Variants in ZC3HAV1 observed in about 807,000 individuals in gnomAD.
ZC3HAV1 encodes the protein zinc finger CCCH-type antiviral protein 1.
Under a neutral mutation model 86.6 loss-of-function variants are expected in ZC3HAV1, and 41 were observed. That is an observed-to-expected ratio of 0.47 (90% CI 0.37 to 0.61). The LOEUF (loss-of-function observed/expected upper bound fraction) is 0.61, where lower values mean the gene tolerates loss of function less well. ZC3HAV1 is among the 20% of genes least tolerant of loss of function. The pLI is 0.00. For missense variants in ZC3HAV1, 964 were observed against 1,141.1 expected, an observed-to-expected ratio of 0.84 and a Z score of 2.24; for synonymous variants, 421 against 432.1, an observed-to-expected ratio of 0.97 and a Z score of 0.32.
rs767745459 is a variant in ZC3HAV1, at chr7:139,080,019, G to A, written c.922C>T (p.Pro308Ser). 16 of 1,614,000 alleles carry A rather than the reference G, an allele frequency of 9.9e-6. No individual in the cohort carries two copies. In the African/African-American group the frequency reaches 2.0e-4, roughly 20 times the overall value. ...GTAGCCTTGGACGAGCCTGAGGGAG[G>A]CCGAGCGCGATCCTGACTCCCCAGA... The part of the protein sequence containing the change: ...TYLGSQDRAR[P>S]PSGSSKATDL... The change falls in exon 4 of 13, where the codon CCT (proline) becomes TCT (serine). Residue 308 changes from proline to serine, a missense_variant. Physicochemically the swap from Pro to Ser is moderately conservative, Grantham distance 74. Transcript: ENST00000242351.
chr7:139,051,151 G>A (rs1484231481), intron 12 of ZC3HAV1, among the ~76,000 whole-genome samples: 15 of 150,860 alleles, frequency 9.9e-5, no homozygotes, highest in Admixed American at 2.7e-4. Context: ...TCTGCCTCCC[G>A]GGTTCAAGCG....
chr7:139,097,428 A>ATTTTTTTTTTTTT lies in ZC3HAV1; in HGVS notation c.309-7682_309-7670dup, dbSNP rs11291842. 5.8e-4 allele frequency among the ~76,000 whole-genome samples: 28 copies of ATTTTTTTTTTTTT among 48,158 alleles called. 1 individual carries two copies. Among genetic ancestry groups the ATTTTTTTTTTTTT allele is most frequent in the African/African-American group, 3.1e-3 (27 of 8,796 alleles). The allele number at this position is 48,158 out of a possible 152,430, so 31.6% of individuals were successfully genotyped here. A position where few individuals can be genotyped will look rare whatever the true frequency, so the allele number is the denominator to read the frequency against. ...TATATATATATATATATATATATATATTTTTTTTTTTTTTTTTTTTCTTTG... is the reference window on the plus strand; with the variant it reads ...TATATATATATATATATATATATATATTTTTTTTTTTTTTTTTTTTTTTTTTTTTTTTTCTTTG... On this transcript the variant is annotated intron_variant, in intron 1 of 12. Coordinates refer to ENST00000242351, the MANE Select transcript of ZC3HAV1 (RefSeq NM_020119.4).
At chr7:139,056,858 T>C (rs1217313033) in intron 9 of ZC3HAV1, among the ~76,000 whole-genome samples, 2 of 152,232 alleles carry the variant, frequency 1.3e-5, no homozygotes. Flanking sequence ...TAAATAGTCA[T>C]TGTTTAAGAC....
In ZC3HAV1 at chr7:139,080,097, T is replaced by C. The variant is rs778075896; in HGVS notation, c.844A>G (p.Arg282Gly). ...ACAGGCGCGTCCTCCAGGGAAGCCC[T>C]GTGGCTGATCTGATCTGGACTAGGT... ...CTPSPDQISH[R>G]ASLEDAPVDD... Residue 282 changes from arginine (R) to glycine (G), a missense_variant, in exon 4 of 13, where the codon AGG becomes GGG. Physicochemically the swap from Arg to Gly is moderately radical, Grantham distance 125. Coordinates refer to ENST00000242351, the MANE Select transcript of ZC3HAV1 (RefSeq NM_020119.4). 1.3e-5 allele frequency: 21 copies of C among 1,614,076 alleles called. No individual in the cohort carries two copies. In the Admixed American group the frequency reaches 3.5e-4, roughly 27 times the overall value.
chr7:139,064,949 G>A lies in ZC3HAV1; in HGVS notation c.1923C>T (p.Leu641=), dbSNP rs766551615. The A allele has an allele frequency of 3.1e-6, 5 of 1,614,222 alleles. No individual in the cohort carries two copies. The South Asian group carries it at 5.5e-5, about 18-fold the overall frequency. ...SNVDSSYLES[L]YQSCPRGVVP... ...CAACTCCCCTCGGACAGGATTGATA[G>A]AGAGACTCCAGGTATGAAGAGTCGA... Residue 641 remains leucine (L), a synonymous_variant, in exon 8 of 13, where the codon CTC becomes CTT. Coordinates refer to ENST00000242351, the MANE Select transcript of ZC3HAV1 (RefSeq NM_020119.4).
At chr7:139,098,218 CA>C (rs1467649617) in intron 1 of ZC3HAV1, among the ~76,000 whole-genome samples, 1 of 152,104 alleles carries the variant, frequency 6.6e-6, no homozygotes, top group Non-Finnish European at 1.5e-5. Flanking sequence ...AGGATTACAG[CA>C]TGAGCCATGG....
At chr7:139,069,873 C>T (rs753894233) in intron 7 of ZC3HAV1, among the ~76,000 whole-genome samples, 9 of 152,164 alleles carry the variant, frequency 5.9e-5, no homozygotes, top group Admixed American at 2.0e-4. Flanking sequence ...CTGTGGGGCA[C>T]TGGCAGAAGG....
In ZC3HAV1 at chr7:139,076,211, C is replaced by T; in HGVS notation, c.1697+75G>A. 14 of 1,578,800 alleles carry T rather than the reference C, an allele frequency of 8.9e-6. No homozygotes were observed. The Admixed American group carries it at 1.1e-4, about 13-fold the overall frequency. On this transcript the variant is annotated intron_variant, in intron 6 of 12. Transcript: ENST00000242351. ...GATGGAAAAGTGTTTTTTTCTTTTT[C>T]CCCTGAGCCTAGCACTAATGCTTCC... is the stretch of plus-strand genomic sequence containing the variant.
rs55975111 is a variant in ZC3HAV1 at position 139,078,234 on chromosome 7, G to T, written c.1573+318C>A. ...ATCCTGGGTGACAGAGTGAGACTCC[G>T]TCTCAAAACAAACAAACAAAAAAGG... On this transcript the variant is annotated intron_variant, in intron 5 of 12. Transcript: ENST00000242351. 2.0e-5 allele frequency among the ~76,000 whole-genome samples: 3 copies of T among 152,102 alleles called. No individual in the cohort carries two copies. The East Asian group carries it at 5.8e-4, about 29-fold the overall frequency.
intron 4 of ZC3HAV1, 29 bp from the exon 5 acceptor site, chr7:139,078,682 C>A: frequency 6.7e-7 from 1 of 1,500,262 alleles, no homozygotes; most frequent in Non-Finnish European, 9.0e-7. Context: ...TGCATGTATG[C>A]TGATCTTAAT....
intron 1 of ZC3HAV1, among the ~76,000 whole-genome samples, chr7:139,093,478 C>A (rs549888449): frequency 1.3e-5 from 2 of 152,330 alleles, no homozygotes; most frequent in African/African-American, 4.8e-5. Context: ...ACGTATACAT[C>A]CAGATGGCCT....
intron 9 of ZC3HAV1, among the ~76,000 whole-genome samples, chr7:139,057,251 A>T (rs2130670836): frequency 6.6e-6 from 1 of 152,180 alleles, no homozygotes; most frequent in East Asian, 1.9e-4. Context: ...GCAGCTACTC[A>T]GGAGGCTAAG....
chr7:139,068,754 G>A (rs192257304), intron 7 of ZC3HAV1, among the ~76,000 whole-genome samples: 17 of 152,264 alleles, frequency 1.1e-4, no homozygotes, highest in East Asian at 1.9e-4. Flanking sequence ...CATGAACCCC[G>A]GTAGGTGGTG....
chr7:139,080,593 C>T (rs1817100860), intron 3 of ZC3HAV1, among the ~76,000 whole-genome samples: 1 of 152,180 alleles, frequency 6.6e-6, no homozygotes, highest in Admixed American at 6.5e-5. Flanking sequence ...ACTGTGTCAG[C>T]TGATGAAAGA....
rs1362561520 is a variant in ZC3HAV1, at chr7:139,045,289, A to G, written c.*2305T>C. Reference sequence around the variant, plus strand: ...TGAACTAGCTAAAAATGGGAACCACAAAACTGAAAGGAAGCCAGAGTGGCT... The same window carrying G: ...TGAACTAGCTAAAAATGGGAACCACGAAACTGAAAGGAAGCCAGAGTGGCT... On this transcript the variant is annotated 3_prime_UTR_variant, in exon 13 of 13. Coordinates refer to ENST00000242351, the MANE Select transcript of ZC3HAV1 (RefSeq NM_020119.4). 2 of 152,220 alleles carry G rather than the reference A, an allele frequency of 1.3e-5. No individual in the cohort carries two copies. The highest frequency in any genetic ancestry group is 2.9e-5 in the Non-Finnish European group (2 of 68,046). The allele number at this position is 152,220 out of a possible 1,614,324, so 9.4% of individuals were successfully genotyped here.
intron 2 of ZC3HAV1, among the ~76,000 whole-genome samples, chr7:139,084,975 AT>A (rs1433167848): frequency 6.6e-6 from 1 of 152,220 alleles, no homozygotes; most frequent in Non-Finnish European, 1.5e-5. Flanking sequence ...CACATGGATA[AT>A]CGCTAAAACC....
intron 7 of ZC3HAV1, among the ~76,000 whole-genome samples, chr7:139,066,870 G>C (rs10230683): frequency 6.6e-6 from 1 of 151,956 alleles, no homozygotes; most frequent in Non-Finnish European, 1.5e-5. Flanking sequence ...TTAAAAGGCC[G>C]GAGACTTTCA....
intron 3 of ZC3HAV1, among the ~76,000 whole-genome samples, 185 bp from the exon 4 acceptor site, chr7:139,080,428 T>G (rs1178753137): frequency 6.6e-6 from 1 of 152,122 alleles, no homozygotes; most frequent in Admixed American, 6.5e-5. Flanking sequence ...CGGTTTTTTT[T>G]GTTTTTGTTT....
At chr7:139,084,338 C>T (rs1236574962) in intron 2 of ZC3HAV1, among the ~76,000 whole-genome samples, 1 of 152,178 alleles carries the variant, frequency 6.6e-6, no homozygotes, top group Admixed American at 6.5e-5. Flanking sequence ...AGGAACCCAG[C>T]ACAGGAAGGC....
Sources: allele counts gnomAD v4.1 joint callset (sites outside exome capture counted in the v4.1 genomes callset), GRCh38; gene constraint gnomAD v4.1.1; transcripts MANE v1.5; gene names NCBI Gene and HGNC (gene_info 2026-07-23, HGNC 2026-07-21).